Variants in GRM8 observed in about 807,000 individuals in gnomAD.
GRM8 encodes glutamate metabotropic receptor 8.
A neutral mutation model predicts 87.2 loss-of-function variants in GRM8; 47 were observed. The observed-to-expected ratio is 0.54, with a 90% CI of 0.43 to 0.69. The LOEUF (loss-of-function observed/expected upper bound fraction) is 0.69. GRM8 is among the 30% of genes least tolerant of loss of function. GRM8 has a pLI of 0.00. For synonymous variants in GRM8, 396 were observed against 404.5 expected, an observed-to-expected ratio of 0.98 and a Z score of 0.25; for missense variants, 1,019 against 1,139.2, an observed-to-expected ratio of 0.89 and a Z score of 1.52.
chr7:127,121,459 C>T (rs1048066837), intron 2 of GRM8, among the ~76,000 whole-genome samples: 8 of 152,240 alleles, frequency 5.3e-5, no homozygotes, highest in Admixed American at 5.2e-4. Context: ...GAATGGAATC[C>T]CCCTCCTTTT....
At chr7:126,465,846 G>T (rs73722618) in intron 9 of GRM8, among the ~76,000 whole-genome samples, 4,630 of 151,798 alleles carry the variant, frequency 0.031, 243 homozygotes, top group African/African-American at 0.11. Flanking sequence ...TTGAATAACA[G>T]AAATTATTTT....
At chr7:127,001,933 A>C (rs1813768722) in intron 3 of GRM8, among the ~76,000 whole-genome samples, 1 of 151,726 alleles carries the variant, frequency 6.6e-6, no homozygotes, top group South Asian at 2.1e-4. Context: ...CTGAGCAAAA[A>C]AAGATAGGCA....
At chr7:126,789,994 G>A (rs143949404) in intron 6 of GRM8, among the ~76,000 whole-genome samples, 209 of 151,664 alleles carry the variant, frequency 1.4e-3, no homozygotes, top group Non-Finnish European at 2.1e-3. Flanking sequence ...GTCTCTATGT[G>A]AGAACACATT....
intron 7 of GRM8, among the ~76,000 whole-genome samples, chr7:126,723,341 T>G (rs1033713579): frequency 4.6e-5 from 7 of 152,118 alleles, no homozygotes; most frequent in African/African-American, 1.7e-4. Context: ...CCATTTGCTG[T>G]TAGCTGTTGG....
At chr7:126,638,938 T>C (rs546940800) in intron 7 of GRM8, among the ~76,000 whole-genome samples, 230 of 152,262 alleles carry the variant, frequency 1.5e-3, no homozygotes, top group African/African-American at 5.1e-3. Context: ...TGTACTCTAC[T>C]TCAACCTCAC....
At chr7:127,091,801 G>A (rs1263027051) in intron 3 of GRM8, among the ~76,000 whole-genome samples, 2 of 18,530 alleles carry the variant, frequency 1.1e-4, no homozygotes, top group African/African-American at 2.7e-4. Context: ...CCCCACCCCC[G>A]CGGTCCCACT....
intron 6 of GRM8, among the ~76,000 whole-genome samples, chr7:126,816,940 A>G (rs1333925493): frequency 4.6e-5 from 7 of 152,006 alleles, no homozygotes; most frequent in Admixed American, 3.9e-4. Context: ...CCCAAACATC[A>G]TTATTTCATT....
chr7:126,914,880 C>A (rs181235016), intron 3 of GRM8, among the ~76,000 whole-genome samples: 1 of 152,228 alleles, frequency 6.6e-6, no homozygotes, highest in Admixed American at 6.5e-5. Context: ...AAGTATACCC[C>A]TGTAACAAAC....
At chr7:126,721,299 T>C (rs543500621) in intron 7 of GRM8, among the ~76,000 whole-genome samples, 1 of 152,166 alleles carries the variant, frequency 6.6e-6, no homozygotes, top group South Asian at 2.1e-4. Context: ...TACTTTGTCT[T>C]ACAATACTGA....
intron 6 of GRM8, among the ~76,000 whole-genome samples, chr7:126,817,385 T>C (rs1425714282): frequency 6.6e-6 from 1 of 152,116 alleles, no homozygotes; most frequent in Non-Finnish European, 1.5e-5. Context: ...GTGAAGGAAT[T>C]ACAATAAAAT....
intron 3 of GRM8, among the ~76,000 whole-genome samples, chr7:127,056,692 A>T (rs1820025307): frequency 2.0e-5 from 3 of 152,232 alleles, no homozygotes. Context: ...TTAACGTTAT[A>T]AAGAATTACT....
chr7:127,196,516 C>G (rs1264155300), intron 2 of GRM8, among the ~76,000 whole-genome samples: 1 of 144,990 alleles, frequency 6.9e-6, no homozygotes, highest in Admixed American at 6.9e-5. Flanking sequence ...GACTCCATCT[C>G]AAAAACAAAC....
At chr7:126,797,518 A>G (rs1689038840) in intron 6 of GRM8, among the ~76,000 whole-genome samples, 1 of 152,096 alleles carries the variant, frequency 6.6e-6, no homozygotes, top group Non-Finnish European at 1.5e-5. Context: ...TCCATGGTCC[A>G]TGAATATATT....
chr7:126,981,908 T>C (rs1194407638), intron 3 of GRM8: 2 of 152,130 alleles, frequency 1.3e-5, no homozygotes, highest in Non-Finnish European at 1.5e-5. Context: ...GGAAGACAAA[T>C]AAATACTGCA....
chr7:126,782,662 C>T (rs903996735), intron 6 of GRM8, among the ~76,000 whole-genome samples: 32 of 152,064 alleles, frequency 2.1e-4, no homozygotes, highest in Non-Finnish European at 7.4e-5. Context: ...TAAACACAAA[C>T]GATTTTATAA....
intron 9 of GRM8, among the ~76,000 whole-genome samples, chr7:126,454,853 A>T (rs1475747343): frequency 1.3e-5 from 2 of 151,844 alleles, no homozygotes; most frequent in East Asian, 3.9e-4. Flanking sequence ...TGACACCTTG[A>T]TCTCAGACTT....
Position 126,533,468 on chromosome 7 carries a change from T to G in GRM8, c.1914A>C (p.Leu638Phe). ...GIFLCYSITF[L>F]MIAAPDTIIC... Reference sequence around the variant, plus strand: ...TGATTGTATCTGGTGCTGCAATCATTAAAAACGTGATTGAATAACAGAGAA... The same window carrying G: ...TGATTGTATCTGGTGCTGCAATCATGAAAAACGTGATTGAATAACAGAGAA... Residue 638 changes from leucine to phenylalanine, a missense_variant, in exon 9 of 11, where the codon TTA becomes TTC. Leu to Phe is a conservative substitution (Grantham distance 22). Coordinates refer to ENST00000339582, the MANE Select transcript of GRM8 (RefSeq NM_000845.3). 1 of 1,614,000 alleles carries G rather than the reference T, an allele frequency of 6.2e-7. No individual in the cohort carries two copies. The highest frequency in any genetic ancestry group is 1.1e-5 in the South Asian group (1 of 91,070).
At chr7:127,091,824 G>A (rs1421232619) in intron 3 of GRM8, among the ~76,000 whole-genome samples, 14 of 43,012 alleles carry the variant, frequency 3.3e-4, no homozygotes, top group African/African-American at 5.3e-4. Context: ...TCATCCCGCC[G>A]TCTGGCTGGC....
intron 7 of GRM8, among the ~76,000 whole-genome samples, chr7:126,614,266 G>C (rs941900485): frequency 6.6e-6 from 1 of 152,158 alleles, no homozygotes; most frequent in Non-Finnish European, 1.5e-5. Context: ...CAAGCAAACA[G>C]GGTCTGGAGT....
Sources: gnomAD v4.1 joint callset for allele counts (sites outside exome capture counted in the v4.1 genomes callset) on GRCh38, gnomAD v4.1.1 for gene constraint, MANE v1.5 for transcripts, NCBI Gene and HGNC (gene_info 2026-07-23, HGNC 2026-07-21) for gene names.